Variants in PARD3B observed in about 807,000 individuals in gnomAD.
The protein encoded by PARD3B is partitioning defective 3 homolog B.
A neutral mutation model predicts 130.2 loss-of-function variants in PARD3B; 103 were observed. The observed-to-expected ratio is 0.79, with a 90% CI of 0.67 to 0.93. PARD3B has a LOEUF of 0.93. Ranked by LOEUF, PARD3B falls within the 40% of genes least tolerant of loss-of-function variation. The pLI is 0.00. For synonymous variants in PARD3B, 583 were observed against 553.2 expected (o/e 1.05, Z -0.76); for missense variants, 1,609 against 1,499.2 (o/e 1.07, Z -1.21).
At chr2:204,957,261 T>G (rs1690335346) in intron 2 of PARD3B, among the ~76,000 whole-genome samples, 1 of 152,174 alleles carries the variant, frequency 6.6e-6, no homozygotes, top group Non-Finnish European at 1.5e-5. Flanking sequence ...TTCAAAGAAA[T>G]AAATGTATAT....
chr2:205,338,467 T>C (rs751233501), intron 18 of PARD3B, among the ~76,000 whole-genome samples: 1 of 152,218 alleles, frequency 6.6e-6, no homozygotes, highest in Non-Finnish European at 1.5e-5. Flanking sequence ...TCTATCTAGT[T>C]CTGGCAATAG....
intron 1 of PARD3B, among the ~76,000 whole-genome samples, chr2:204,672,760 A>G (rs775567791): frequency 1.2e-4 from 18 of 152,164 alleles, no homozygotes; most frequent in South Asian, 4.2e-4. Flanking sequence ...TGCTGATTTT[A>G]TTCTTTCCCA....
intron 22 of PARD3B, among the ~76,000 whole-genome samples, chr2:205,600,727 T>G (rs2054750885): frequency 6.6e-6 from 1 of 152,236 alleles, no homozygotes; most frequent in Non-Finnish European, 1.5e-5. Context: ...ATTGTTCAGT[T>G]CTTACCTGTA....
chr2:204,866,952 C>G (rs971207270), intron 2 of PARD3B, among the ~76,000 whole-genome samples: 3 of 151,984 alleles, frequency 2.0e-5, no homozygotes, highest in African/African-American at 7.2e-5. Flanking sequence ...ACCTGTAATC[C>G]CAACTACTCA....
chr2:204,884,822 T>A (rs1332999341), intron 2 of PARD3B, among the ~76,000 whole-genome samples: 1 of 152,222 alleles, frequency 6.6e-6, no homozygotes, highest in Non-Finnish European at 1.5e-5. Flanking sequence ...CATTCCTTTT[T>A]ATGGCTGCAT....
intron 18 of PARD3B, among the ~76,000 whole-genome samples, chr2:205,361,989 C>A (rs1390345779): frequency 8.4e-6 from 1 of 119,100 alleles, no homozygotes; most frequent in African/African-American, 2.5e-5. Flanking sequence ...GAATTGTAAT[C>A]TTTAGAGTAA....
In PARD3B at chr2:205,160,927, T is replaced by C. The variant is rs1265748757; in HGVS notation, c.1620+2020T>C. 1.3e-5 allele frequency among the ~76,000 whole-genome samples: 2 copies of C among 152,146 alleles called. No individual in the cohort carries two copies. Among genetic ancestry groups the C allele is most frequent in the Non-Finnish European group, 2.9e-5 (2 of 68,020 alleles). Reference sequence around the variant, plus strand: ...ACTGAAATGAAGCTCTTCCATATGATCCATTCATGTTCCTAGAGAGCAGGG... The same window carrying C: ...ACTGAAATGAAGCTCTTCCATATGACCCATTCATGTTCCTAGAGAGCAGGG... On this transcript the variant is annotated intron_variant, in intron 11 of 22. Coordinates refer to ENST00000406610, the MANE Select transcript of PARD3B (RefSeq NM_001302769.2). This position sits in a 1 kb window ranked among gnomAD's most constrained non-coding sequence, Gnocchi z 4.0.
At chr2:205,018,414 A>G (rs962903096) in intron 3 of PARD3B, among the ~76,000 whole-genome samples, 2 of 152,110 alleles carry the variant, frequency 1.3e-5, no homozygotes, top group Non-Finnish European at 1.5e-5. Flanking sequence ...CCAACATTCT[A>G]CCACTTAGTA....
intron 5 of PARD3B, among the ~76,000 whole-genome samples, chr2:205,106,462 T>G (rs1290187122): frequency 4.0e-5 from 6 of 151,334 alleles, no homozygotes; most frequent in African/African-American, 1.5e-4. Context: ...AACATATATA[T>G]TCTTTAGTTA....
At chr2:204,946,656 A>G (rs948573983) in intron 2 of PARD3B, among the ~76,000 whole-genome samples, 2 of 152,210 alleles carry the variant, frequency 1.3e-5, no homozygotes, top group Non-Finnish European at 2.9e-5. Context: ...AAACTGAACC[A>G]CTAGGCTTGT....
At chr2:204,554,226 T>C (rs1160010020) in intron 1 of PARD3B, among the ~76,000 whole-genome samples, 1 of 152,040 alleles carries the variant, frequency 6.6e-6, no homozygotes, top group Non-Finnish European at 1.5e-5. Context: ...CTCTCTCTGC[T>C]TACAGTAATG....
At chr2:204,969,552 A>G (rs1691524856) in intron 3 of PARD3B, among the ~76,000 whole-genome samples, 1 of 152,194 alleles carries the variant, frequency 6.6e-6, no homozygotes, top group South Asian at 2.1e-4. Flanking sequence ...TGTGTAGGTA[A>G]TCGATATTAT....
At chr2:205,023,890 T>A (rs956121279) in intron 3 of PARD3B, among the ~76,000 whole-genome samples, 1 of 152,070 alleles carries the variant, frequency 6.6e-6, no homozygotes, top group Non-Finnish European at 1.5e-5. Context: ...ATTTGCTGTT[T>A]GGGGGATAGG....
At chr2:205,406,740 G>A (rs148066446) in intron 19 of PARD3B, among the ~76,000 whole-genome samples, 4,199 of 142,788 alleles carry the variant, frequency 0.029, 190 homozygotes, top group African/African-American at 0.1. Context: ...GCATGATCTC[G>A]GCTCACTGCA....
intron 2 of PARD3B, among the ~76,000 whole-genome samples, chr2:204,686,685 A>G (rs1368473029): frequency 1.3e-5 from 2 of 152,214 alleles, no homozygotes; most frequent in African/African-American, 2.4e-5. Flanking sequence ...AAGTTTTATG[A>G]AGAATTACAG....
chr2:204,853,450 C>T (rs902893242), intron 2 of PARD3B, among the ~76,000 whole-genome samples: 4 of 152,006 alleles, frequency 2.6e-5, no homozygotes, highest in African/African-American at 9.7e-5. Context: ...TTGTTTGAGG[C>T]CAAGAGTTCA....
At chr2:204,908,414 A>G (rs2047113665) in intron 2 of PARD3B, among the ~76,000 whole-genome samples, 2 of 152,164 alleles carry the variant, frequency 1.3e-5, no homozygotes, top group South Asian at 4.1e-4. Context: ...TTTCTTGACC[A>G]TTGTTTTTGT....
chr2:205,510,009 CAG>C (rs918583237), intron 21 of PARD3B, among the ~76,000 whole-genome samples: 4 of 152,188 alleles, frequency 2.6e-5, no homozygotes. Flanking sequence ...TTGAAACACA[CAG>C]ATGTCCAGAG....
At chr2:204,683,765 A>G (rs1342923294) in intron 1 of PARD3B, among the ~76,000 whole-genome samples, 1 of 152,190 alleles carries the variant, frequency 6.6e-6, no homozygotes, top group Admixed American at 6.5e-5. Context: ...GGCAATATCA[A>G]TGTGGAATAG....
Sources: allele counts gnomAD v4.1 joint callset (sites outside exome capture counted in the v4.1 genomes callset), GRCh38; gene constraint gnomAD v4.1.1; non-coding constraint Gnocchi (gnomAD v3.1); transcripts MANE v1.5; gene names NCBI Gene and HGNC (gene_info 2026-07-23, HGNC 2026-07-21).